The following SERPINB8 variants were observed in gnomAD, a reference collection of about 807,000 sequenced individuals.
SERPINB8 encodes serpin family B member 8.
A neutral mutation model predicts 35.3 loss-of-function variants in SERPINB8; 25 were observed. That is an observed-to-expected ratio of 0.71 (90% CI 0.52 to 0.99). The LOEUF (loss-of-function observed/expected upper bound fraction) is 0.99, where lower values mean the gene tolerates loss of function less well. SERPINB8 is among the 50% of genes least tolerant of loss of function. SERPINB8 has a pLI of 0.00. For synonymous variants in SERPINB8, 186 were observed against 160.8 expected (o/e 1.16, Z -1.19); for missense variants, 484 against 446.5 (o/e 1.08, Z -0.76).
intron 6 of SERPINB8, chr18:63,986,585 A>C: frequency 1.5e-6 from 2 of 1,313,760 alleles, no homozygotes; most frequent in East Asian, 6.0e-5. Context: ...TAAACTGTTA[A>C]AAAATGTTTT....
rs567770868 is a variant in SERPINB8, at chr18:63,978,438, A to G, written c.130A>G (p.Met44Val). 9.3e-6 allele frequency: 15 copies of G among 1,614,064 alleles called. No individual in the cohort carries two copies. The highest frequency in any genetic ancestry group is 1.7e-5 in the Admixed American group (1 of 60,002). The change falls in exon 2 of 7, where the codon ATG (methionine) becomes GTG (valine). Residue 44 changes from methionine (M) to valine (V), a missense_variant. Physicochemically the swap from Met to Val is conservative, Grantham distance 21 (BLOSUM62 1). Transcript: ENST00000397985. ...SISSALAMVF[M>V]GAKGSTAAQM... ...CTCCTCTGCCCTGGCCATGGTCTTC[A>G]TGGGGGCAAAGGGAAGCACTGCAGC...
At chr18:64,006,554 G>A (rs546553608), downstream of SERPINB8, among the ~76,000 whole-genome samples, 28 of 152,204 alleles carry the variant, frequency 1.8e-4, no homozygotes, top group Middle Eastern at 3.4e-3. Context: ...CACCCTAATT[G>A]CAAACTGCCA....
Position 63,987,260 on chromosome 18 carries a change from C to T in SERPINB8, c.1107C>T (p.Gly369=), listed in dbSNP as rs202206326. 1.9e-6 allele frequency: 3 copies of T among 1,612,888 alleles called. No homozygotes were observed. The East Asian group carries it at 6.7e-5, about 36-fold the overall frequency. The change falls in exon 7 of 7, where the codon GGC becomes GGT. Residue 369 remains glycine, a synonymous_variant. Transcript: ENST00000397985. ...AAACCAACTGCATCTTGTTCTGTGG[C>T]AGGTTCTCTTCTCCGTAAAGAGGAG... ...HHKTNCILFC[G]RFSSP is the part of the protein sequence containing the mutation.
intron 1 of SERPINB8, among the ~76,000 whole-genome samples, chr18:64,000,680 T>A (rs903665306): frequency 6.6e-6 from 1 of 152,138 alleles, no homozygotes; most frequent in African/African-American, 2.4e-5. Context: ...ACCTCCTTAT[T>A]AGGGGGCCTG....
At chr18:64,016,476 G>T (rs944203013) in intron 7 of SERPINB8, among the ~76,000 whole-genome samples, 4 of 151,896 alleles carry the variant, frequency 2.6e-5, no homozygotes, top group Non-Finnish European at 5.9e-5. Flanking sequence ...TTTTGTTTAG[G>T]TAGAGAGAAA....
chr18:64,019,774 CT>C (rs1267288983), exon 8 of SERPINB8: 1 of 149,296 alleles, frequency 6.7e-6, no homozygotes, highest in East Asian at 2.0e-4. Context: ...AAACTATCTC[CT>C]TCCAGTCCTG....
chr18:63,973,872 C>G (rs2050535482), intron 1 of SERPINB8, among the ~76,000 whole-genome samples: 1 of 152,202 alleles, frequency 6.6e-6, no homozygotes, highest in Non-Finnish European at 1.5e-5. Context: ...CAGTACCATG[C>G]TGTTTTGGTT....
chr18:64,003,167 T>C (rs2050884128), intron 1 of SERPINB8, among the ~76,000 whole-genome samples: 1 of 152,192 alleles, frequency 6.6e-6, no homozygotes, highest in Non-Finnish European at 1.5e-5. Flanking sequence ...CTAATTCTTT[T>C]ATTCAGTTCC....
chr18:64,019,582 G>A (rs545109488), exon 8 of SERPINB8: 2 of 152,170 alleles, frequency 1.3e-5, no homozygotes, highest in East Asian at 3.9e-4. Context: ...TATAAGAAAA[G>A]CCTTCAGTAT....
intron 7 of SERPINB8, among the ~76,000 whole-genome samples, chr18:64,017,991 C>T (rs4941236): frequency 0.59 from 90,083 of 151,940 alleles, 27,008 homozygotes; most frequent in East Asian, 0.69. Context: ...CACAATTGTC[C>T]CAGGTTAGAA....
intron 6 of SERPINB8, chr18:63,986,630 T>C: frequency 1.5e-6 from 2 of 1,321,262 alleles, no homozygotes; most frequent in Non-Finnish European, 1.9e-6. Context: ...AAATTGTTTT[T>C]ATTAAAAATT....
intron 1 of SERPINB8, among the ~76,000 whole-genome samples, chr18:63,999,904 T>C (rs2050866482): frequency 6.6e-6 from 1 of 152,170 alleles, no homozygotes; most frequent in Non-Finnish European, 1.5e-5. Context: ...GGGTGGTTTT[T>C]CCCACTGCTC....
At chr18:64,005,025 C>T (rs1267617949) in exon 2 of SERPINB8, 5 of 393,480 alleles carry the variant, frequency 1.3e-5, no homozygotes, top group African/African-American at 2.1e-5. Flanking sequence ...TTGCAACCTG[C>T]GAGCTTCTTT....
Position 63,983,653 on chromosome 18 carries a change from T to G in SERPINB8, c.499T>G (p.Phe167Val). The change falls in exon 5 of 7, where the codon TTC (phenylalanine) becomes GTC (valine). Residue 167 changes from phenylalanine to valine, a missense_variant. Phe to Val is a conservative substitution (Grantham distance 50). Transcript: ENST00000397985. ...TKLVLVNAIY[F>V]KGKWNEQFDR... ...GCTGGTCCTTGTGAATGCCATTTAT[T>G]TCAAGGGAAAGTGGAATGAGCAATT... 1 of 1,613,914 alleles carries G rather than the reference T, an allele frequency of 6.2e-7. No individual in the cohort carries two copies. Among genetic ancestry groups the G allele is most frequent in the Non-Finnish European group, 8.5e-7 (1 of 1,179,788 alleles).
rs2050805843 is a variant in SERPINB8, at chr18:63,989,260, TG to T, written c.*1983del. 1 of 152,390 alleles carries T rather than the reference TG, an allele frequency of 6.6e-6. No homozygotes were observed. Among genetic ancestry groups the T allele is most frequent in the Middle Eastern group, 3.4e-3 (1 of 294 alleles). 9.4% of individuals were successfully genotyped at this position (152,390 alleles called of 1,614,324 possible). On this transcript the variant is annotated 3_prime_UTR_variant, in exon 7 of 7. Transcript: ENST00000397985. ...CTTTTATTGGTAAGTAACATTTTTT[TG>T]TATAGGTATACCATGATTTGTTGAT...
At chr18:63,998,547 T>A (rs1487538898) in intron 1 of SERPINB8, among the ~76,000 whole-genome samples, 2 of 152,128 alleles carry the variant, frequency 1.3e-5, no homozygotes, top group African/African-American at 4.8e-5. Context: ...CAATTTGGGG[T>A]CTCACTGCGG....
rs1203638952 is a variant in SERPINB8 at position 63,988,382 on chromosome 18, A to C, written c.*1104A>C. The C allele has an allele frequency of 6.6e-6, 1 of 152,202 alleles. No individual in the cohort carries two copies. Among genetic ancestry groups the C allele is most frequent in the African/African-American group, 2.4e-5 (1 of 41,444 alleles). The allele number at this position is 152,202 out of a possible 1,614,324, so 9.4% of individuals were successfully genotyped here. A position where few individuals can be genotyped will look rare whatever the true frequency, so the allele number is the denominator to read the frequency against. ...GAATCTAATTTTAGACAGTTTGAGTAATTAAAATTATTTCTATTAACAAAT... is the reference window on the plus strand; with the variant it reads ...GAATCTAATTTTAGACAGTTTGAGTCATTAAAATTATTTCTATTAACAAAT... On this transcript the variant is annotated 3_prime_UTR_variant, in exon 7 of 7. Transcript: ENST00000397985.
chr18:63,994,946 T>C (rs1321489646), intron 1 of SERPINB8, among the ~76,000 whole-genome samples: 3 of 151,992 alleles, frequency 2.0e-5, no homozygotes, highest in Non-Finnish European at 4.4e-5. Context: ...GAAAACAGAT[T>C]GCAGAAGCAG....
At chr18:63,995,395 C>G (rs1000605664) in intron 1 of SERPINB8, among the ~76,000 whole-genome samples, 13 of 152,166 alleles carry the variant, frequency 8.5e-5, no homozygotes, top group Non-Finnish European at 1.6e-4. Context: ...CCTCTGATCC[C>G]CACAATCCCT....
Sources: allele counts gnomAD v4.1 joint callset (sites outside exome capture counted in the v4.1 genomes callset), GRCh38; gene constraint gnomAD v4.1.1; transcripts MANE v1.5; gene names NCBI Gene and HGNC (gene_info 2026-07-23, HGNC 2026-07-21).